POTEJ: variants seen among roughly 807,000 people sequenced by gnomAD.
POTEJ encodes the protein POTE ankyrin domain family member J, also known as POTE ankyrin domain family, member J.
POTEJ carries 11 observed loss-of-function variants against 69.0 expected under a neutral mutation model. That is an observed-to-expected ratio of 0.16 (90% CI 0.10 to 0.26). The LOEUF (loss-of-function observed/expected upper bound fraction) is 0.26, where lower values mean the gene tolerates loss of function less well. POTEJ is among the 10% of genes least tolerant of loss of function. POTEJ has a pLI of 1.00. For synonymous variants in POTEJ, 117 were observed against 381.1 expected (o/e 0.31, Z 8.07); for missense variants, 327 against 1,045.5 (o/e 0.31, Z 9.48).
At chr2:130,656,388 C>T (rs1686988688) in intron 14 of POTEJ, among the ~76,000 whole-genome samples, 161 bp from the exon 15 acceptor site, 1 of 148,780 alleles carries the variant, frequency 6.7e-6, no homozygotes, top group Non-Finnish European at 1.5e-5. Flanking sequence ...GAGGAATTTA[C>T]ACTCTTATTA....
chr2:130,631,678 C>T lies in POTEJ; in HGVS notation c.1131+225C>T, dbSNP rs1239570793. On this transcript the variant is annotated intron_variant, in intron 8 of 14. Transcript: ENST00000409602. ...ATTATGGAACAATCCTGAATGGTGC[C>T]ATAAAATGCTAGGTAATGCCACTTT... Among the ~76,000 whole-genome samples the T allele has an allele frequency of 5.8e-5, 8 of 138,792 alleles. 1 individual carries two copies. Among genetic ancestry groups the T allele is most frequent in the East Asian group, 1.9e-4 (1 of 5,140 alleles). 91.1% of individuals were successfully genotyped at this position (138,792 alleles called of 152,430 possible).
chr2:130,655,613 T>G (rs1686959130), intron 14 of POTEJ, among the ~76,000 whole-genome samples: 1 of 152,172 alleles, frequency 6.6e-6, no homozygotes, highest in Non-Finnish European at 1.5e-5. Flanking sequence ...GTTCAGTATA[T>G]TTCCCCTATT....
chr2:130,634,945 C>T (rs1367845687), intron 9 of POTEJ, among the ~76,000 whole-genome samples: 4 of 152,204 alleles, frequency 2.6e-5, no homozygotes, highest in Admixed American at 6.5e-5. Flanking sequence ...TTTTTTCTTA[C>T]ACCTCATTTT....
chr2:130,657,487 G>C lies in POTEJ; in HGVS notation c.2727G>C (p.Gln909His), dbSNP rs575523013. 6 of 1,571,454 alleles carry C rather than the reference G, an allele frequency of 3.8e-6. 1 individual carries two copies. In the Admixed American group the frequency reaches 8.5e-5, roughly 22 times the overall value. ...AGAGCTACGAGCTGCCCGATGGCCA[G>C]GTCATCACCATCAGCAACGAGTGGT... The part of the protein sequence containing the change: ...LEKSYELPDG[Q>H]VITISNEWFR... The change falls in exon 15 of 15, where the codon CAG (glutamine) becomes CAC (histidine). Residue 909 changes from glutamine to histidine, a missense_variant. Coordinates refer to ENST00000409602, the MANE Select transcript of POTEJ (RefSeq NM_001277083.2).
At chr2:130,641,777 C>A (rs554397829) in intron 10 of POTEJ, among the ~76,000 whole-genome samples, 3 of 152,156 alleles carry the variant, frequency 2.0e-5, no homozygotes, top group African/African-American at 7.2e-5. Flanking sequence ...GGATAATCAG[C>A]ATTTATAACT....
chr2:130,640,841 T>G (rs544517160), intron 10 of POTEJ, among the ~76,000 whole-genome samples: 2 of 152,192 alleles, frequency 1.3e-5, no homozygotes, highest in African/African-American at 4.8e-5. Context: ...AATAGACTTA[T>G]GTTTTTTCTG....
At chr2:130,655,500 A>C (rs1686954491) in intron 14 of POTEJ, among the ~76,000 whole-genome samples, 1 of 152,246 alleles carries the variant, frequency 6.6e-6, no homozygotes, top group Admixed American at 6.5e-5. Context: ...AGTTTGCTCC[A>C]AGTAGTTTCT....
rs1419796508 is a variant in POTEJ at position 130,618,579 on chromosome 2, C to T, written c.699+1341C>T. Among the ~76,000 whole-genome samples the T allele has an allele frequency of 8.1e-5, 12 of 147,264 alleles. 1 individual carries two copies. The highest frequency in any genetic ancestry group is 3.2e-4 in the African/African-American group (12 of 37,530). Reference sequence around the variant, plus strand: ...CATAATGAGACCCTGTCTCTAACAACAACAACAACAACAACAACGACGACG... The same window carrying T: ...CATAATGAGACCCTGTCTCTAACAATAACAACAACAACAACAACGACGACG... On this transcript the variant is annotated intron_variant, in intron 3 of 14. Coordinates refer to ENST00000409602, the MANE Select transcript of POTEJ (RefSeq NM_001277083.2).
chr2:130,652,235 T>C (rs1484468880), intron 13 of POTEJ, among the ~76,000 whole-genome samples: 1 of 136,644 alleles, frequency 7.3e-6, no homozygotes, highest in Non-Finnish European at 1.6e-5. Context: ...ACCATGGTTG[T>C]TAAGTTTCCT....
At chr2:130,626,609 G>C (rs1442033443) in intron 6 of POTEJ, among the ~76,000 whole-genome samples, 3 of 152,164 alleles carry the variant, frequency 2.0e-5, no homozygotes, top group African/African-American at 7.3e-5. Context: ...CCATAAGGCA[G>C]ATTGGATTTG....
chr2:130,636,923 A>C (rs1214892293), intron 9 of POTEJ, among the ~76,000 whole-genome samples: 7 of 146,648 alleles, frequency 4.8e-5, no homozygotes, highest in African/African-American at 1.7e-4. Flanking sequence ...CTAAAAATAC[A>C]AAAAAATTAA....
chr2:130,626,909 C>T (rs1685730815), intron 6 of POTEJ, among the ~76,000 whole-genome samples: 1 of 151,710 alleles, frequency 6.6e-6, no homozygotes, highest in South Asian at 2.1e-4. Flanking sequence ...AGTTGGCAGG[C>T]TTTTTTTTAA....
chr2:130,632,235 T>C (rs1263324746), intron 8 of POTEJ, among the ~76,000 whole-genome samples: 2 of 150,706 alleles, frequency 1.3e-5, no homozygotes, highest in East Asian at 1.9e-4. Flanking sequence ...AGGGCCCTTT[T>C]TGAATTTTGG....
chr2:130,626,778 G>A (rs1685724901), intron 6 of POTEJ, among the ~76,000 whole-genome samples: 2 of 152,150 alleles, frequency 1.3e-5, no homozygotes, highest in Admixed American at 6.5e-5. Context: ...CGTCCTTAGT[G>A]AAATACATAA....
intron 9 of POTEJ, among the ~76,000 whole-genome samples, chr2:130,632,905 T>C (rs1454319915): frequency 1.4e-5 from 2 of 146,914 alleles, no homozygotes; most frequent in African/African-American, 5.3e-5. Context: ...TGAACTTTTC[T>C]TTTAGTTTCA....
intron 10 of POTEJ, among the ~76,000 whole-genome samples, chr2:130,643,081 G>C (rs1200394335): frequency 6.8e-6 from 1 of 148,012 alleles, no homozygotes; most frequent in Non-Finnish European, 1.5e-5. Flanking sequence ...TCTTGGAGCA[G>C]AGGGGACAGA....
At chr2:130,640,035 A>G (rs1178183590) in intron 10 of POTEJ, among the ~76,000 whole-genome samples, 94 of 150,868 alleles carry the variant, frequency 6.2e-4, no homozygotes, top group South Asian at 2.3e-3. Flanking sequence ...GATATTGATT[A>G]TGTGCCAGAC....
At chr2:130,641,188 T>C (rs1489669702) in intron 10 of POTEJ, among the ~76,000 whole-genome samples, 1 of 152,110 alleles carries the variant, frequency 6.6e-6, no homozygotes, top group Admixed American at 6.6e-5. Flanking sequence ...CTGTGGCCTA[T>C]AGTTTCCTGG....
chr2:130,618,774 CTTTTTTTTTTT>C (rs1204750696), intron 3 of POTEJ, among the ~76,000 whole-genome samples: 1 of 32,218 alleles, frequency 3.1e-5, no homozygotes, highest in African/African-American at 2.1e-4. Flanking sequence ...ATTAATCTGA[CTTTTTTTTTTT>C]TTTTTTTTTT....
Sources: allele counts gnomAD v4.1 joint callset (sites outside exome capture counted in the v4.1 genomes callset), GRCh38; gene constraint gnomAD v4.1.1; transcripts MANE v1.5; gene names NCBI Gene and HGNC (gene_info 2026-07-23, HGNC 2026-07-21).